RARB: variants seen among roughly 807,000 people sequenced by gnomAD.
The protein encoded by RARB is HBV-activated protein.
RARB carries 17 observed loss-of-function variants against 51.9 expected under a neutral mutation model. That is an observed-to-expected ratio of 0.33 (90% CI 0.22 to 0.49). The LOEUF is 0.49. Among genes scored for constraint, RARB ranks in the 20% least tolerant of loss-of-function variants. RARB has a pLI of 0.99. For synonymous variants in RARB, 215 were observed against 195.4 expected, an observed-to-expected ratio of 1.10 and a Z score of -0.84; for missense variants, 369 against 550.8, an observed-to-expected ratio of 0.67 and a Z score of 3.30.
intron 3 of RARB, among the ~76,000 whole-genome samples, chr3:25,564,550 G>A (rs1367782913): frequency 6.6e-6 from 1 of 152,190 alleles, no homozygotes; most frequent in Non-Finnish European, 1.5e-5. Flanking sequence ...AGAGGCTCAG[G>A]TGAACTCTGT....
chr3:25,261,894 A>G (rs1212572233), intron 5 of RARB, among the ~76,000 whole-genome samples: 1 of 151,864 alleles, frequency 6.6e-6, no homozygotes, highest in Non-Finnish European at 1.5e-5. Context: ...TCACTAATTC[A>G]ATCTCCACCA....
intron 2 of RARB, among the ~76,000 whole-genome samples, chr3:25,035,698 C>T (rs1210697067): frequency 2.0e-5 from 3 of 152,072 alleles, no homozygotes; most frequent in African/African-American, 7.2e-5. Flanking sequence ...CTTTGTGTAC[C>T]CTACCATCTC....
chr3:25,450,677 G>A (rs1709152611), intron 1 of RARB, among the ~76,000 whole-genome samples: 1 of 152,146 alleles, frequency 6.6e-6, no homozygotes, highest in Admixed American at 6.5e-5. Flanking sequence ...GAGATGTTTT[G>A]TAGCATCCCT....
At chr3:25,282,549 A>G (rs569053411) in intron 5 of RARB, among the ~76,000 whole-genome samples, 14 of 152,318 alleles carry the variant, frequency 9.2e-5, no homozygotes, top group African/African-American at 3.1e-4. Flanking sequence ...TAAGCTCCAT[A>G]GGTAGGATTT....
intron 4 of RARB, among the ~76,000 whole-genome samples, chr3:25,137,609 C>T (rs1700050545): frequency 6.6e-6 from 1 of 152,066 alleles, no homozygotes; most frequent in Non-Finnish European, 1.5e-5. Context: ...TATAATCACT[C>T]TTATTGAATT....
At chr3:24,834,799 C>A (rs1416861471) in intron 1 of RARB, among the ~76,000 whole-genome samples, 1 of 152,106 alleles carries the variant, frequency 6.6e-6, no homozygotes. Flanking sequence ...AATTGTAAGC[C>A]CACTTTATAT....
intron 2 of RARB, among the ~76,000 whole-genome samples, chr3:25,016,287 T>C (rs1335016771): frequency 6.6e-6 from 1 of 152,180 alleles, no homozygotes; most frequent in Non-Finnish European, 1.5e-5. Flanking sequence ...TACTGGGTGA[T>C]TAAGGTTAAA....
chr3:24,939,861 TGAC>T (rs1386496040), intron 2 of RARB, among the ~76,000 whole-genome samples: 1 of 152,246 alleles, frequency 6.6e-6, no homozygotes, highest in Non-Finnish European at 1.5e-5. Context: ...GGTATGACCA[TGAC>T]TACTAACATA....
intron 5 of RARB, among the ~76,000 whole-genome samples, chr3:25,238,089 T>C: frequency 6.6e-6 from 1 of 152,080 alleles, no homozygotes; most frequent in East Asian, 1.9e-4. Context: ...ACATTAGAAT[T>C]TATTCCTTCT....
At chr3:25,216,101 AC>A (rs1203897139) in intron 5 of RARB, among the ~76,000 whole-genome samples, 1 of 152,152 alleles carries the variant, frequency 6.6e-6, no homozygotes, top group Non-Finnish European at 1.5e-5. Flanking sequence ...TGTTAAAATA[AC>A]GTAAATGTGT....
intron 2 of RARB, among the ~76,000 whole-genome samples, chr3:24,944,320 T>A (rs539200881): frequency 6.6e-6 from 1 of 152,350 alleles, no homozygotes; most frequent in East Asian, 1.9e-4. Context: ...CAGAGTCCAG[T>A]GCTTGACACA....
intron 2 of RARB, among the ~76,000 whole-genome samples, chr3:24,945,765 G>C (rs559860279): frequency 6.6e-6 from 1 of 152,158 alleles, no homozygotes; most frequent in Non-Finnish European, 1.5e-5. Flanking sequence ...TGTTCTCCTT[G>C]ACACCTTATG....
intron 5 of RARB, among the ~76,000 whole-genome samples, chr3:25,356,694 A>G (rs575430569): frequency 1.1e-3 from 169 of 152,068 alleles, no homozygotes; most frequent in African/African-American, 3.9e-3. Flanking sequence ...GCCCTGAAGT[A>G]TGATGTTTCC....
At chr3:25,290,685 C>T (rs1703765195) in intron 5 of RARB, among the ~76,000 whole-genome samples, 1 of 152,162 alleles carries the variant, frequency 6.6e-6, no homozygotes, top group African/African-American at 2.4e-5. Flanking sequence ...TCATGCAATT[C>T]ACCTCCTTGC....
chr3:25,064,488 G>A (rs181217681), intron 3 of RARB, among the ~76,000 whole-genome samples: 1 of 152,164 alleles, frequency 6.6e-6, no homozygotes, highest in Admixed American at 6.5e-5. Context: ...CTCCTGCTTA[G>A]TGCTCACTGA....
chr3:25,053,081 C>T (rs1333982893), intron 2 of RARB, among the ~76,000 whole-genome samples: 1 of 151,934 alleles, frequency 6.6e-6, no homozygotes, highest in African/African-American at 2.4e-5. Flanking sequence ...GGAAAGTATC[C>T]TTAAGGAAAG....
At chr3:25,580,762 A>T in intron 5 of RARB, 40 bp downstream of exon 5, 1 of 1,534,734 alleles carries the variant, frequency 6.5e-7, no homozygotes, top group Non-Finnish European at 8.9e-7. Flanking sequence ...CTGGGGAGGG[A>T]GAGAGGGCAC....
chr3:25,338,089 A>C, intron 5 of RARB, among the ~76,000 whole-genome samples: 1 of 122,662 alleles, frequency 8.2e-6, no homozygotes, highest in Admixed American at 9.7e-5. Flanking sequence ...CCCCCCTCCA[A>C]ACCCCCAACA....
intron 2 of RARB, among the ~76,000 whole-genome samples, chr3:24,993,853 T>C (rs189675505): frequency 6.6e-6 from 1 of 152,322 alleles, no homozygotes; most frequent in African/African-American, 2.4e-5. Flanking sequence ...TCTTTATGGC[T>C]GAATAGTATT....
Sources: allele counts gnomAD v4.1 joint callset (sites outside exome capture counted in the v4.1 genomes callset), GRCh38; gene constraint gnomAD v4.1.1; transcripts MANE v1.5; gene names NCBI Gene and HGNC (gene_info 2026-07-23, HGNC 2026-07-21).